The following LYN variants were observed in gnomAD, a reference collection of about 807,000 sequenced individuals.
LYN encodes the protein tyrosine-protein kinase Lyn.
LYN carries 12 observed loss-of-function variants against 65.0 expected under a neutral mutation model. That is an observed-to-expected ratio of 0.18 (90% CI 0.12 to 0.30). The LOEUF is 0.30. LYN is among the 10% of genes least tolerant of loss of function. LYN has a pLI of 1.00. For missense variants in LYN, 380 were observed against 623.2 expected, an observed-to-expected ratio of 0.61 and a Z score of 4.16; for synonymous variants, 222 against 221.2, an observed-to-expected ratio of 1.00 and a Z score of -0.03.
chr8:55,975,471 T>C (rs139801782), intron 10 of LYN, among the ~76,000 whole-genome samples: 6 of 152,314 alleles, frequency 3.9e-5, no homozygotes, highest in African/African-American at 1.2e-4. Flanking sequence ...ATTTAGACTA[T>C]CTATGTGAAT....
At chr8:55,909,897 G>T (rs1805547738) in intron 1 of LYN, among the ~76,000 whole-genome samples, 1 of 151,454 alleles carries the variant, frequency 6.6e-6, no homozygotes, top group Non-Finnish European at 1.5e-5. Context: ...TTTTTCATAT[G>T]CTTGCTGGCT....
chr8:55,929,781 A>T (rs566644377), intron 1 of LYN, among the ~76,000 whole-genome samples: 1 of 152,224 alleles, frequency 6.6e-6, no homozygotes, highest in African/African-American at 2.4e-5. Flanking sequence ...TTGAAATGTC[A>T]GTAGTGCTGA....
At chr8:55,948,365 A>G (rs958046682) in intron 4 of LYN, among the ~76,000 whole-genome samples, 1 of 152,064 alleles carries the variant, frequency 6.6e-6, no homozygotes. Context: ...TTCTTTTGTT[A>G]TATTACTCAT....
intron 1 of LYN, among the ~76,000 whole-genome samples, chr8:55,889,181 A>AT (rs1181145646): frequency 1.3e-5 from 2 of 151,930 alleles, no homozygotes; most frequent in African/African-American, 2.4e-5. Context: ...GGCCTGCGTA[A>AT]TTTTTTTGTT....
intron 1 of LYN, among the ~76,000 whole-genome samples, chr8:55,890,023 T>A (rs1265734465): frequency 7.1e-6 from 1 of 141,004 alleles, no homozygotes; most frequent in Non-Finnish European, 1.5e-5. Flanking sequence ...ATGCCTATAA[T>A]CCCAGCACTT....
intron 1 of LYN, among the ~76,000 whole-genome samples, chr8:55,916,444 T>C (rs1805781858): frequency 6.6e-6 from 1 of 152,216 alleles, no homozygotes; most frequent in African/African-American, 2.4e-5. Context: ...TTTTGAAAGA[T>C]TTCCATACAT....
chr8:55,911,285 A>ATAT (rs1356941100), intron 1 of LYN, among the ~76,000 whole-genome samples: 7 of 27,776 alleles, frequency 2.5e-4, no homozygotes, highest in South Asian at 1.1e-3. Flanking sequence ...ATATATATAT[A>ATAT]TTTTTTTTTT....
intron 1 of LYN, among the ~76,000 whole-genome samples, chr8:55,882,393 T>C (rs1054654950): frequency 2.0e-5 from 3 of 152,240 alleles, no homozygotes; most frequent in African/African-American, 7.2e-5. Context: ...ACCAAAAACA[T>C]CTGAGATTCC....
At chr8:55,962,279 G>C (rs1807307783) in intron 8 of LYN, among the ~76,000 whole-genome samples, 1 of 152,074 alleles carries the variant, frequency 6.6e-6, no homozygotes. Flanking sequence ...ATGTTGTGTT[G>C]GTGAGATGCA....
At chr8:55,888,809 C>T (rs1804872759) in intron 1 of LYN, among the ~76,000 whole-genome samples, 2 of 151,862 alleles carry the variant, frequency 1.3e-5, no homozygotes, top group South Asian at 2.1e-4. Flanking sequence ...CGATCTCACT[C>T]ACCAGGGATT....
intron 12 of LYN, among the ~76,000 whole-genome samples, chr8:56,002,713 T>C (rs1395499472): frequency 1.3e-5 from 2 of 152,126 alleles, no homozygotes; most frequent in African/African-American, 2.4e-5. Flanking sequence ...TCTCTCTATA[T>C]GGAAGAACAC....
intron 1 of LYN, chr8:55,895,731 A>G (rs1805077075): frequency 6.6e-6 from 1 of 152,160 alleles, no homozygotes; most frequent in African/African-American, 2.4e-5. Flanking sequence ...AATACATAAA[A>G]CAGTAATAAC....
At chr8:55,935,779 C>CAAA (rs59848254) in intron 1 of LYN, among the ~76,000 whole-genome samples, 7,891 of 93,682 alleles carry the variant, frequency 0.084, 319 homozygotes, top group Non-Finnish European at 0.13. Flanking sequence ...AGACTCCATC[C>CAAA]AAAAAAAAAA....
chr8:55,900,875 A>C (rs767073652), intron 1 of LYN, among the ~76,000 whole-genome samples: 3 of 152,124 alleles, frequency 2.0e-5, no homozygotes. Flanking sequence ...TTTATCTTAA[A>C]ATGCTGCCAC....
rs529986512 is a variant in LYN, at chr8:55,934,627, G to T, written c.-5-7228G>T. Among the ~76,000 whole-genome samples the T allele has an allele frequency of 5.9e-5, 9 of 152,308 alleles. No individual in the cohort carries two copies. The South Asian group carries it at 1.9e-3, about 32-fold the overall frequency. On this transcript the variant is annotated intron_variant, in intron 1 of 12. Transcript: ENST00000519728. ...CCCTGGGACAGCATCTGGCTGTTTT[G>T]TCTTGACACCCCTTTCCTCAGTGCT...
chr8:55,947,741 C>A lies in LYN; in HGVS notation c.284+18C>A. The A allele has an allele frequency of 1.3e-6, 2 of 1,547,160 alleles. No homozygotes were observed. The highest frequency in any genetic ancestry group is 1.8e-6 in the Non-Finnish European group (2 of 1,119,456). ...CTGGAGGAGTAAGTGCTCTCAAGCACGCCACGGCTGCTCGTTTCCTCAGGC... is the reference window on the plus strand; with the variant it reads ...CTGGAGGAGTAAGTGCTCTCAAGCAAGCCACGGCTGCTCGTTTCCTCAGGC... On this transcript the variant is annotated intron_variant, in intron 4 of 12. Coordinates refer to ENST00000519728, the MANE Select transcript of LYN (RefSeq NM_002350.4).
At chr8:55,912,429 A>G (rs1380822901) in intron 1 of LYN, among the ~76,000 whole-genome samples, 1 of 152,198 alleles carries the variant, frequency 6.6e-6, no homozygotes, top group Non-Finnish European at 1.5e-5. Flanking sequence ...ATTTTAACCC[A>G]AATAAGAAAT....
chr8:55,905,879 G>A (rs1805405972), intron 1 of LYN, among the ~76,000 whole-genome samples: 1 of 152,170 alleles, frequency 6.6e-6, no homozygotes. Flanking sequence ...CTGTTCCTGG[G>A]ACACACCTCT....
chr8:55,942,024 A>G lies in LYN; in HGVS notation c.132+33A>G, dbSNP rs548058868. On this transcript the variant is annotated intron_variant, in intron 2 of 12. Coordinates refer to ENST00000519728, the MANE Select transcript of LYN (RefSeq NM_002350.4). Reference sequence around the variant, plus strand: ...GATAGTCTCAGGGGAGAATTCCCACAGCAAGATCAAAGCATGGCTACATAA... The same window carrying G: ...GATAGTCTCAGGGGAGAATTCCCACGGCAAGATCAAAGCATGGCTACATAA... 6.1e-5 allele frequency: 99 copies of G among 1,609,954 alleles called. 2 individuals carry two copies. In the South Asian group the frequency reaches 9.8e-4, roughly 16 times the overall value.
Sources: gnomAD v4.1 joint callset for allele counts (sites outside exome capture counted in the v4.1 genomes callset) on GRCh38, gnomAD v4.1.1 for gene constraint, MANE v1.5 for transcripts, NCBI Gene and HGNC (gene_info 2026-07-23, HGNC 2026-07-21) for gene names.